RBFOX1: variants seen among roughly 807,000 people sequenced by gnomAD.
The protein encoded by RBFOX1 is RNA binding protein fox-1 homolog 1.
In RBFOX1, 8 loss-of-function variants were observed where a neutral mutation model predicts 57.7. That is an observed-to-expected ratio of 0.14 (90% confidence interval 0.08 to 0.25). The LOEUF (loss-of-function observed/expected upper bound fraction) is 0.25. Ranked by LOEUF, RBFOX1 falls within the 10% of genes least tolerant of loss-of-function variation. The probability of loss-of-function intolerance (pLI) is 1.00; values close to 1 mark genes in which losing one functional copy is unlikely to be tolerated. For synonymous variants in RBFOX1, 326 were observed against 222.4 expected, an observed-to-expected ratio of 1.47 and a Z score of -4.15; for missense variants, 611 against 548.5, an observed-to-expected ratio of 1.11 and a Z score of -1.14.
intron 1 of RBFOX1, among the ~76,000 whole-genome samples, chr16:6,188,606 C>T (rs1462905187): frequency 6.6e-6 from 1 of 152,024 alleles, no homozygotes; most frequent in Non-Finnish European, 1.5e-5. Flanking sequence ...TCTGCTAACT[C>T]CTTGTTTCCC....
intron 3 of RBFOX1, among the ~76,000 whole-genome samples, chr16:6,795,028 C>T (rs777446923): frequency 5.9e-5 from 9 of 152,114 alleles, no homozygotes; most frequent in East Asian, 1.9e-4. Context: ...ATTCTCTTTT[C>T]GTCATACTGC....
At chr16:6,705,681 G>T (rs1376586668) in intron 3 of RBFOX1, 1 of 152,188 alleles carries the variant, frequency 6.6e-6, no homozygotes, top group African/African-American at 2.4e-5. Flanking sequence ...CAAAGCCACT[G>T]TGATAGAGTA....
intron 2 of RBFOX1, among the ~76,000 whole-genome samples, chr16:6,524,182 T>A (rs888829740): frequency 2.0e-5 from 3 of 152,200 alleles, no homozygotes; most frequent in Admixed American, 2.0e-4. Context: ...CCCTGTACTC[T>A]CTATCTCCGT....
At chr16:7,693,416 C>CTTTTTTTTTT (rs60812796) in intron 14 of RBFOX1, 15 of 783,238 alleles carry the variant, frequency 1.9e-5, no homozygotes, top group East Asian at 6.1e-5. Context: ...TCTCAGTATC[C>CTTTTTTTTTT]TTTTTTTTTT....
intron 1 of RBFOX1, among the ~76,000 whole-genome samples, chr16:5,349,498 C>A (rs1403129446): frequency 1.3e-5 from 2 of 152,038 alleles, no homozygotes; most frequent in East Asian, 3.9e-4. Context: ...ACATGGCGAT[C>A]CTATCTCTAC....
intron 1 of RBFOX1, among the ~76,000 whole-genome samples, chr16:5,330,605 A>G (rs1157658622): frequency 6.6e-6 from 1 of 151,478 alleles, no homozygotes; most frequent in African/African-American, 2.4e-5. Context: ...GAGATTCACC[A>G]TGTTGGCCAG....
chr16:5,678,534 G>A (rs1383399621), intron 3 of RBFOX1, among the ~76,000 whole-genome samples: 4 of 152,114 alleles, frequency 2.6e-5, no homozygotes, highest in African/African-American at 4.8e-5. Context: ...GTTAGAACCC[G>A]GTTCCTAAGC....
intron 3 of RBFOX1, among the ~76,000 whole-genome samples, chr16:6,933,569 C>T (rs536900711): frequency 1.1e-4 from 16 of 152,248 alleles, no homozygotes; most frequent in East Asian, 1.9e-4. Context: ...AAAAATTATC[C>T]AGGTGTGGTG....
chr16:6,219,042 G>A (rs374145610), intron 1 of RBFOX1, among the ~76,000 whole-genome samples: 13 of 152,172 alleles, frequency 8.5e-5, no homozygotes, highest in South Asian at 4.1e-4. Flanking sequence ...CTGTGGAACA[G>A]GTACATATTT....
rs563962141 is a variant in RBFOX1, at chr16:7,671,416, G to C, written c.931-5358G>C. On this transcript the variant is annotated intron_variant, in intron 13 of 15. Coordinates refer to ENST00000550418, the MANE Select transcript of RBFOX1 (RefSeq NM_018723.4). ...CGATGCCCAGTGCCCCTTTCAGCTT[G>C]GTGGGCCAGTCCCAAGGCTTGGTGA... 9 of 691,776 alleles carry C rather than the reference G, an allele frequency of 1.3e-5. No individual in the cohort carries two copies. In the Admixed American group the frequency reaches 1.6e-4, roughly 12 times the overall value. 42.9% of individuals were successfully genotyped at this position (691,776 alleles called of 1,614,324 possible).
intron 3 of RBFOX1, among the ~76,000 whole-genome samples, chr16:5,635,701 T>C (rs983879159): frequency 1.3e-5 from 2 of 152,186 alleles, no homozygotes; most frequent in Non-Finnish European, 2.9e-5. Context: ...CTAAATTACA[T>C]ATCCTGGGTG....
intron 1 of RBFOX1, among the ~76,000 whole-genome samples, chr16:6,219,046 C>T (rs915957540): frequency 6.6e-6 from 1 of 152,080 alleles, no homozygotes; most frequent in African/African-American, 2.4e-5. Context: ...GGAACAGGTA[C>T]ATATTTATCT....
intron 2 of RBFOX1, among the ~76,000 whole-genome samples, chr16:6,533,823 C>T (rs1482618115): frequency 6.6e-6 from 1 of 152,148 alleles, no homozygotes; most frequent in East Asian, 1.9e-4. Context: ...GCATGGTCAA[C>T]ATTTTCCCAG....
intron 5 of RBFOX1, among the ~76,000 whole-genome samples, chr16:7,559,144 A>G (rs975701275): frequency 6.6e-6 from 1 of 152,236 alleles, no homozygotes; most frequent in Admixed American, 6.5e-5. Context: ...TGTCAGAGAA[A>G]GCTGCAGGGC....
At chr16:7,638,330 C>T (rs899591847) in intron 11 of RBFOX1, among the ~76,000 whole-genome samples, 2 of 152,074 alleles carry the variant, frequency 1.3e-5, no homozygotes, top group South Asian at 4.1e-4. Flanking sequence ...GGCTTGGGGG[C>T]GTTAAGAAGC....
intron 4 of RBFOX1, among the ~76,000 whole-genome samples, chr16:7,304,937 TG>T (rs1165074962): frequency 7.3e-5 from 11 of 150,838 alleles, no homozygotes; most frequent in Non-Finnish European, 1.6e-4. Flanking sequence ...TGTGTGTGTG[TG>T]TGTGTGTGTG....
At chr16:7,662,356 G>T (rs764666821) in intron 12 of RBFOX1, among the ~76,000 whole-genome samples, 5 of 152,154 alleles carry the variant, frequency 3.3e-5, no homozygotes, top group Non-Finnish European at 7.3e-5. Flanking sequence ...ATTGACAACA[G>T]CCACTGATAC....
chr16:6,845,326 C>G (rs1225530900), intron 3 of RBFOX1, among the ~76,000 whole-genome samples: 2 of 151,562 alleles, frequency 1.3e-5, no homozygotes, highest in Admixed American at 6.6e-5. Context: ...TTACATTTAA[C>G]TCTTTAATCT....
intron 1 of RBFOX1, among the ~76,000 whole-genome samples, chr16:5,435,898 G>GATAGT (rs2067903078): frequency 6.6e-6 from 1 of 152,218 alleles, no homozygotes; most frequent in Non-Finnish European, 1.5e-5. Flanking sequence ...CAACAGAGCT[G>GATAGT]CGGTGAACAA....
Sources: gnomAD v4.1 joint callset for allele counts (sites outside exome capture counted in the v4.1 genomes callset) on GRCh38, gnomAD v4.1.1 for gene constraint, MANE v1.5 for transcripts, NCBI Gene and HGNC (gene_info 2026-07-23, HGNC 2026-07-21) for gene names.